The following HSD17B2 variants were observed in gnomAD, a reference collection of about 807,000 sequenced individuals.
The protein encoded by HSD17B2 is 17-beta-hydroxysteroid dehydrogenase type 2.
Under a neutral mutation model 26.9 loss-of-function variants are expected in HSD17B2, and 32 were observed. The observed-to-expected ratio is 1.19, with a 90% CI of 0.90 to 1.60. The LOEUF (loss-of-function observed/expected upper bound fraction) is 1.60, where lower values mean the gene tolerates loss of function less well. HSD17B2 is among the 40% of genes most tolerant of loss of function. The pLI is 0.00. For missense variants in HSD17B2, 613 were observed against 468.6 expected, an observed-to-expected ratio of 1.31 and a Z score of -2.85; for synonymous variants, 246 against 186.7, an observed-to-expected ratio of 1.32 and a Z score of -2.59.
chr16:82,072,001 C>G (rs1000382934), intron 3 of HSD17B2: 2 of 152,204 alleles, frequency 1.3e-5, no homozygotes, highest in East Asian at 1.9e-4. Flanking sequence ...GTTTGCTTGA[C>G]TTTTGTGTTT....
chr16:82,086,871 C>G (rs919764955), intron 3 of HSD17B2, among the ~76,000 whole-genome samples: 2 of 152,232 alleles, frequency 1.3e-5, no homozygotes, highest in Non-Finnish European at 2.9e-5. Flanking sequence ...GGTGAGGGCT[C>G]TCTTCCTGGT....
intron 1 of HSD17B2, among the ~76,000 whole-genome samples, chr16:82,057,413 G>T (rs1377709644): frequency 1.3e-5 from 2 of 152,146 alleles, no homozygotes; most frequent in Non-Finnish European, 2.9e-5. Context: ...TGGCCAGGAT[G>T]CTCTCGATTT....
chr16:82,082,722 G>A (rs1027162905), intron 3 of HSD17B2, among the ~76,000 whole-genome samples: 2 of 152,112 alleles, frequency 1.3e-5, no homozygotes, highest in African/African-American at 2.4e-5. Flanking sequence ...ATGTTAAAAC[G>A]CTCAGAACAG....
intron 3 of HSD17B2, among the ~76,000 whole-genome samples, chr16:82,079,790 G>A (rs889346726): frequency 2.0e-5 from 3 of 152,176 alleles, no homozygotes; most frequent in African/African-American, 7.2e-5. Context: ...TGTGTAAAAG[G>A]CAATATATAA....
intron 3 of HSD17B2, among the ~76,000 whole-genome samples, chr16:82,081,069 C>A (rs1022065892): frequency 6.6e-6 from 1 of 152,126 alleles, no homozygotes; most frequent in African/African-American, 2.4e-5. Flanking sequence ...CTTTCCCTCT[C>A]CTTCCTTCTC....
intron 4 of HSD17B2, chr16:82,091,906 C>A (rs1046675064): frequency 6.6e-6 from 1 of 152,192 alleles, no homozygotes; most frequent in Non-Finnish European, 1.5e-5. Context: ...TGGGTTAGAA[C>A]CCTGGTCCCC....
chr16:82,051,842 C>T (rs1275015961), intron 1 of HSD17B2, among the ~76,000 whole-genome samples: 1 of 152,234 alleles, frequency 6.6e-6, no homozygotes, highest in African/African-American at 2.4e-5. Flanking sequence ...CATCTCAGAG[C>T]CTCAGATTAC....
chr16:82,086,943 A>G (rs565903860), intron 3 of HSD17B2, among the ~76,000 whole-genome samples: 1 of 152,236 alleles, frequency 6.6e-6, no homozygotes, highest in Admixed American at 6.5e-5. Context: ...ATGTTCAAGG[A>G]GAGAGTGTGA....
intron 1 of HSD17B2, among the ~76,000 whole-genome samples, chr16:82,059,267 T>C (rs1006338686): frequency 4.3e-4 from 66 of 152,204 alleles, no homozygotes; most frequent in African/African-American, 1.5e-3. Flanking sequence ...TGAGGATGGA[T>C]GTTGGCTGGC....
At chr16:82,062,440 T>G (rs1250092644) in intron 1 of HSD17B2, among the ~76,000 whole-genome samples, 1 of 152,246 alleles carries the variant, frequency 6.6e-6, no homozygotes, top group Admixed American at 6.5e-5. Flanking sequence ...TCTAGTGCCC[T>G]CTTCAATGCT....
intron 1 of HSD17B2, among the ~76,000 whole-genome samples, chr16:82,035,905 T>G (rs1913612621): frequency 6.6e-6 from 1 of 152,166 alleles, no homozygotes; most frequent in African/African-American, 2.4e-5. Flanking sequence ...GAGGATGAAG[T>G]GCACCCAGAC....
chr16:82,068,433 C>A, intron 2 of HSD17B2, 51 bp downstream of exon 2: 1 of 1,478,904 alleles, frequency 6.8e-7, no homozygotes, highest in Non-Finnish European at 9.3e-7. Flanking sequence ...GAATGCCCAG[C>A]TCTTGTTCCG....
intron 1 of HSD17B2, among the ~76,000 whole-genome samples, chr16:82,066,668 C>T (rs1434132272): frequency 1.3e-5 from 2 of 152,054 alleles, no homozygotes; most frequent in Non-Finnish European, 2.9e-5. Flanking sequence ...TATTTTTTTA[C>T]ATTTCCACAC....
intron 1 of HSD17B2, among the ~76,000 whole-genome samples, chr16:82,066,703 CCTT>C (rs143816620): frequency 0.023 from 3,567 of 152,114 alleles, 131 homozygotes; most frequent in African/African-American, 0.08. Flanking sequence ...CATCAACTCT[CCTT>C]CTTTTTTGCA....
rs1471752983 is a variant in HSD17B2, at chr16:82,035,590, T to C, written c.166T>C (p.Trp56Arg). The C allele has an allele frequency of 4.3e-6, 7 of 1,614,026 alleles. No homozygotes were observed. Among genetic ancestry groups the C allele is most frequent in the Non-Finnish European group, 8.5e-7 (1 of 1,180,020 alleles). ...AVCLLILSPFWGLILFSVSCF... is the reference protein window; with the variant it reads ...AVCLLILSPFRGLILFSVSCF... ...CTGCCTGCTCATCCTGTCCCCTTTT[T>C]GGGGCTTGATCCTCTTCTCGGTGTC... The change falls in exon 1 of 5, where the codon TGG becomes CGG. Residue 56 changes from tryptophan to arginine, a missense_variant. Coordinates refer to ENST00000199936, the MANE Select transcript of HSD17B2 (RefSeq NM_002153.3).
intron 3 of HSD17B2, among the ~76,000 whole-genome samples, chr16:82,089,271 G>A (rs950811157): frequency 1.3e-5 from 2 of 152,180 alleles, no homozygotes; most frequent in Non-Finnish European, 2.9e-5. Flanking sequence ...ATTGTTTTGA[G>A]ACATCCATAT....
chr16:82,084,072 G>A (rs897669656), intron 3 of HSD17B2, among the ~76,000 whole-genome samples: 1 of 152,076 alleles, frequency 6.6e-6, no homozygotes, highest in East Asian at 1.9e-4. Flanking sequence ...AATGACCCAG[G>A]CCTCAGAGAT....
intron 4 of HSD17B2, chr16:82,097,349 G>GCACACACA (rs1904878176): frequency 1.8e-5 from 1 of 57,064 alleles, no homozygotes; most frequent in Non-Finnish European, 3.5e-5. Context: ...TTATATATGT[G>GCACACACA]TACACACACA....
intron 1 of HSD17B2, among the ~76,000 whole-genome samples, chr16:82,041,405 G>A (rs1410648287): frequency 6.6e-6 from 1 of 152,192 alleles, no homozygotes; most frequent in Non-Finnish European, 1.5e-5. Context: ...CATAAAAAGG[G>A]CAGAGTGACA....
Sources: allele counts gnomAD v4.1 joint callset (sites outside exome capture counted in the v4.1 genomes callset), GRCh38; gene constraint gnomAD v4.1.1; transcripts MANE v1.5; gene names NCBI Gene and HGNC (gene_info 2026-07-23, HGNC 2026-07-21).